KRT7: variants seen among roughly 807,000 people sequenced by gnomAD.
KRT7 encodes the protein keratin, type II cytoskeletal 7.
Under a neutral mutation model 42.8 loss-of-function variants are expected in KRT7, and 50 were observed. That is an observed-to-expected ratio of 1.17 (90% confidence interval 0.93 to 1.48). The LOEUF (loss-of-function observed/expected upper bound fraction) is 1.48. Ranked by LOEUF, KRT7 falls within the 40% of genes most tolerant of loss-of-function variation. The probability of loss-of-function intolerance (pLI) is 0.00; values close to 1 mark genes in which losing one functional copy is unlikely to be tolerated. For missense variants in KRT7, 588 were observed against 637.6 expected (o/e 0.92, Z 0.84); for synonymous variants, 268 against 266.3 (o/e 1.01, Z -0.06).
In KRT7 at chr12:52,237,559, T is replaced by C. The variant is rs751782647; in HGVS notation, c.587T>C (p.Val196Ala). The change falls in exon 3 of 9, where the codon GTG (valine) becomes GCG (alanine). Residue 196 changes from valine to alanine, a missense_variant. By Grantham distance (64) the Val-to-Ala change is moderately conservative. Transcript: ENST00000331817. ...ACAGCTGCTGAGAATGAGTTTGTGGTGCTGAAGAAGGTGAGTGGGAAAGAC... is the reference window on the plus strand; with the variant it reads ...ACAGCTGCTGAGAATGAGTTTGTGGCGCTGAAGAAGGTGAGTGGGAAAGAC... ...HRTAAENEFVVLKKDVDAAYM... is the reference protein window; with the variant it reads ...HRTAAENEFVALKKDVDAAYM... 9 of 1,610,960 alleles carry C rather than the reference T, an allele frequency of 5.6e-6. No individual in the cohort carries two copies. The African/African-American group carries it at 9.4e-5, about 17-fold the overall frequency.
intron 6 of KRT7, chr12:52,244,498 C>G (rs1419306421): frequency 1.0e-6 from 1 of 985,720 alleles, no homozygotes; most frequent in African/African-American, 1.7e-5. Context: ...GGGCAGGGCA[C>G]CGAGCTGTGG....
chr12:52,246,126 G>A (rs111860788), intron 7 of KRT7: 51 of 155,342 alleles, frequency 3.3e-4, no homozygotes, highest in Non-Finnish European at 4.1e-4. Flanking sequence ...GAGGGGGATC[G>A]TTTTGTTTGT....
intron 7 of KRT7, chr12:52,247,879 A>G (rs1025878009): frequency 2.5e-5 from 7 of 275,472 alleles, no homozygotes; most frequent in Non-Finnish European, 2.9e-5. Flanking sequence ...AGATTATGTC[A>G]TTTAACCCTC....
At chr12:52,254,366 T>C (rs1038696042), downstream of KRT7, 3 of 785,718 alleles carry the variant, frequency 3.8e-6, no homozygotes, top group Non-Finnish European at 6.6e-6. Context: ...GTCCACATCC[T>C]AAAGGGGAGA....
downstream of KRT7, chr12:52,250,430 C>T: frequency 2.2e-6 from 1 of 462,948 alleles, no homozygotes; most frequent in Non-Finnish European, 4.1e-6. Context: ...GCAGAGGCTG[C>T]TGCTGGTGAG....
chr12:52,250,584 C>T (rs902224793), downstream of KRT7: 7 of 1,267,712 alleles, frequency 5.5e-6, no homozygotes, highest in Non-Finnish European at 7.7e-6. Flanking sequence ...CGTCACCGGC[C>T]GGGAGCCCGA....
At chr12:52,243,919 C>T (rs1942131686) in intron 6 of KRT7, among the ~76,000 whole-genome samples, 1 of 152,266 alleles carries the variant, frequency 6.6e-6, no homozygotes, top group Non-Finnish European at 1.5e-5. Context: ...TCCTCTCTTC[C>T]AGCACCTGGC....
At chr12:52,241,816 G>A in intron 5 of KRT7, 180 bp downstream of exon 5, 1 of 545,170 alleles carries the variant, frequency 1.8e-6, no homozygotes, top group Middle Eastern at 4.3e-4. Context: ...CAGGGCAGAG[G>A]AAATAGATAT....
Position 52,248,572 on chromosome 12 carries a change from C to T in KRT7, c.1241-19C>T. The T allele has an allele frequency of 6.4e-7, 1 of 1,556,256 alleles. No homozygotes were observed. The highest frequency in any genetic ancestry group is 8.7e-7 in the Non-Finnish European group (1 of 1,149,046). On this transcript the variant is annotated intron_variant, in intron 8 of 8. Coordinates refer to ENST00000331817, the MANE Select transcript of KRT7 (RefSeq NM_005556.4). ...AGGGAGCCTCACGCTGAAGAGAGCC[C>T]TCCTCTTTTCTCTCCCAGCTGTGAT...
intron 3 of KRT7, among the ~76,000 whole-genome samples, chr12:52,238,192 C>G (rs1262081777): frequency 6.6e-6 from 1 of 152,180 alleles, no homozygotes; most frequent in Non-Finnish European, 1.5e-5. Context: ...GAGGCTCAGA[C>G]ACCATCTTCA....
At chr12:52,243,161 C>T (rs777882387) in intron 6 of KRT7, 24 bp downstream of exon 6, 1 of 1,600,176 alleles carries the variant, frequency 6.2e-7, no homozygotes, top group Non-Finnish European at 8.5e-7. Context: ...TCCTGGCTTC[C>T]CCTGCTACTT....
At chr12:52,236,206 C>CA (rs1555182160) in intron 2 of KRT7, among the ~76,000 whole-genome samples, 1 of 150,806 alleles carries the variant, frequency 6.6e-6, no homozygotes, top group Non-Finnish European at 1.5e-5. Flanking sequence ...TGCCCCCCCC[C>CA]AACACTCCCA....
chr12:52,250,731 C>T (rs1942253163), downstream of KRT7: 1 of 456,768 alleles, frequency 2.2e-6, no homozygotes, highest in Non-Finnish European at 4.1e-6. Flanking sequence ...ATGCGCGCCC[C>T]TCAAACCCTC....
intron 6 of KRT7, among the ~76,000 whole-genome samples, chr12:52,244,064 C>T (rs1462291195): frequency 6.6e-6 from 1 of 152,200 alleles, no homozygotes; most frequent in Non-Finnish European, 1.5e-5. Flanking sequence ...GCAGCTCAGC[C>T]TGTGCAGGTG....
At chr12:52,252,154 T>C, downstream of KRT7, 3 of 1,386,822 alleles carry the variant, frequency 2.2e-6, no homozygotes, top group East Asian at 2.4e-5. Flanking sequence ...TTAGCGTTGA[T>C]GCACATTCCA....
chr12:52,250,639 C>T (rs1942251041), downstream of KRT7: 4 of 776,906 alleles, frequency 5.1e-6, no homozygotes, highest in South Asian at 2.9e-5. Flanking sequence ...GAGCTGCTGA[C>T]ACCTGCCAGA....
At chr12:52,244,244 G>T in intron 6 of KRT7, 1 of 864,752 alleles carries the variant, frequency 1.2e-6, no homozygotes, top group Non-Finnish European at 1.4e-6. Context: ...GGGGCACAGA[G>T]GCAGGGCCGT....
chr12:52,246,777 C>T (rs1942179416), intron 7 of KRT7, among the ~76,000 whole-genome samples: 1 of 152,170 alleles, frequency 6.6e-6, no homozygotes, highest in Admixed American at 6.5e-5. Context: ...CTGCTTTCGC[C>T]TCTCCCACAG....
At chr12:52,253,848 C>G, downstream of KRT7, 1 of 478,276 alleles carries the variant, frequency 2.1e-6, no homozygotes, top group Non-Finnish European at 4.2e-6. Flanking sequence ...TCCCTTGTCC[C>G]CTTTCCCTGC....
Sources: allele counts gnomAD v4.1 joint callset (sites outside exome capture counted in the v4.1 genomes callset), GRCh38; gene constraint gnomAD v4.1.1; transcripts MANE v1.5; gene names NCBI Gene and HGNC (gene_info 2026-07-23, HGNC 2026-07-21).